Variants in ANAPC2 observed in about 807,000 individuals in gnomAD.
ANAPC2 encodes anaphase-promoting complex subunit 2.
In ANAPC2, 29 loss-of-function variants were observed where a neutral mutation model predicts 84.3. That is an observed-to-expected ratio of 0.34 (90% CI 0.26 to 0.47). ANAPC2 has a LOEUF of 0.47. Among genes scored for constraint, ANAPC2 ranks in the 20% least tolerant of loss-of-function variants. ANAPC2 has a pLI of 1.00. For synonymous variants in ANAPC2, 571 were observed against 479.4 expected (o/e 1.19, Z -2.50); for missense variants, 857 against 1,131.7 (o/e 0.76, Z 3.48).
intron 3 of ANAPC2, among the ~76,000 whole-genome samples, chr9:137,185,717 G>C (rs1045288275): frequency 2.6e-5 from 4 of 152,186 alleles, no homozygotes; most frequent in Admixed American, 2.0e-4. Context: ...CACATGGCTG[G>C]GCCCAGCTCC....
At chr9:137,185,207 G>A (rs1834436832) in intron 3 of ANAPC2, 120 bp from the exon 4 acceptor site, 1 of 1,073,300 alleles carries the variant, frequency 9.3e-7, no homozygotes, top group Non-Finnish European at 1.3e-6. Flanking sequence ...GGAGCCCGAA[G>A]GCCACCTGCG....
At chr9:137,180,749 C>G in intron 8 of ANAPC2, 39 bp downstream of exon 8, 1 of 1,597,388 alleles carries the variant, frequency 6.3e-7, no homozygotes, top group Non-Finnish European at 8.5e-7. Context: ...GCAAAGGCCC[C>G]GGCACCCCTG....
At chr9:137,185,595 G>T (rs1228973540) in intron 3 of ANAPC2, among the ~76,000 whole-genome samples, 1 of 152,212 alleles carries the variant, frequency 6.6e-6, no homozygotes, top group African/African-American at 2.4e-5. Flanking sequence ...CCGCTTTGGG[G>T]ACACCCTCCC....
At chr9:137,183,487 G>A (rs1834385882) in intron 5 of ANAPC2, 185 bp downstream of exon 5, 2 of 973,770 alleles carry the variant, frequency 2.1e-6, no homozygotes, top group Non-Finnish European at 2.9e-6. Context: ...TCCCTCCAAA[G>A]AAGAAACAAG....
chr9:137,183,183 G>A lies in ANAPC2; in HGVS notation c.1228C>T (p.Leu410=). The stretch of plus-strand genomic sequence containing the variant: ...TCCAGGATGACCATGGAAGGGTCCA[G>A]CACGCGCAGCGCCTTGATGGCAGAG... ...YISAIKALRV[L]DPSMVILEVA... Residue 410 remains leucine, a synonymous_variant, in exon 6 of 13, where the codon CTG becomes TTG. Transcript: ENST00000323927. The A allele has an allele frequency of 6.2e-7, 1 of 1,613,300 alleles. No individual in the cohort carries two copies.
At chr9:137,183,935 C>A in intron 4 of ANAPC2, 144 bp from the exon 5 acceptor site, 1 of 1,102,350 alleles carries the variant, frequency 9.1e-7, no homozygotes, top group East Asian at 2.6e-5. Flanking sequence ...CACCAGACAT[C>A]CCCCCGACAC....
At chr9:137,176,139 G>GTGTGGAAATGTGGCCATATT in intron 10 of ANAPC2, 3 of 286,062 alleles carry the variant, frequency 1.0e-5, no homozygotes, top group African/African-American at 4.5e-5. Flanking sequence ...TGTAACTGAG[G>GTGTGGAAATGTGGCCATATT]TGCATCCTAA....
chr9:137,180,649 T>TAGC, intron 8 of ANAPC2, 122 bp from the exon 9 acceptor site: 1 of 1,568,592 alleles, frequency 6.4e-7, no homozygotes, highest in Non-Finnish European at 8.7e-7. Flanking sequence ...CCCCAATGGC[T>TAGC]AGCACACCCC....
At chr9:137,184,814 G>A (rs1834425853) in intron 4 of ANAPC2, 99 bp downstream of exon 4, 2 of 1,452,514 alleles carry the variant, frequency 1.4e-6, no homozygotes, top group East Asian at 2.4e-5. Context: ...CACGGTGAAG[G>A]CACAGGGAGC....
intron 10 of ANAPC2, chr9:137,176,651 C>T (rs1454203424): frequency 6.6e-6 from 1 of 152,294 alleles, no homozygotes. Flanking sequence ...ATGCACACAG[C>T]ATCACAGACT....
intron 10 of ANAPC2, 44 bp from the exon 11 acceptor site, chr9:137,175,881 G>C: frequency 1.3e-6 from 2 of 1,551,014 alleles, no homozygotes; most frequent in East Asian, 2.4e-5. Context: ...GCTGCAGGGC[G>C]CTCAGGCCCG....
intron 10 of ANAPC2, chr9:137,176,232 C>G (rs1834208738): frequency 6.3e-6 from 1 of 158,500 alleles, no homozygotes. Context: ...AAGACAGAGA[C>G]CACCTGGAGC....
chr9:137,186,628 A>G (rs897441564), intron 2 of ANAPC2: 1 of 475,660 alleles, frequency 2.1e-6, no homozygotes, highest in African/African-American at 1.9e-5. Flanking sequence ...TCCCCATGTG[A>G]TCAGTGGCAG....
intron 11 of ANAPC2, 42 bp from the exon 12 acceptor site, chr9:137,175,514 G>A (rs1333270620): frequency 2.0e-6 from 3 of 1,512,810 alleles, no homozygotes; most frequent in Admixed American, 2.0e-5. Context: ...CCTGGGCACG[G>A]GCTGCACCTC....
Position 137,187,887 on chromosome 9 carries a change from G to C in ANAPC2, c.334C>G (p.Leu112Val). The change falls in exon 2 of 13, where the codon CTT becomes GTT. Residue 112 changes from leucine (L) to valine (V), a missense_variant. Around this residue, in one of 3 missense-constraint regions of ANAPC2, gnomAD observed 428 missense variants for 513.8 expected, o/e 0.83. Coordinates refer to ENST00000323927, the MANE Select transcript of ANAPC2 (RefSeq NM_013366.4). ...CTCTCCAGCAGGCCAAAAGCGTCAA[G>C]GAGTAGCAAAAGGCACTGGGGCTCA... ...ADEPQCLLLL[L>V]DAFGLLESRL... is the part of the protein sequence containing the mutation. The C allele has an allele frequency of 1.2e-6, 2 of 1,613,758 alleles. No homozygotes were observed. The highest frequency in any genetic ancestry group is 1.1e-5 in the South Asian group (1 of 91,086).
rs769776763 is a variant in ANAPC2, at chr9:137,188,433, G to A, written c.100C>T (p.Pro34Ser). The A allele has an allele frequency of 6.8e-6, 11 of 1,608,816 alleles. No individual in the cohort carries two copies. The South Asian group carries it at 1.1e-4, about 16-fold the overall frequency. ...GGCCTCACCAGCCCCAGCGCAGCCG[G>A]CGGCACCAGGCCGGTGCTCACGGTG... ...WNTVSTGLVP[P>S]AALGLVSSRT... The change falls in exon 1 of 13, where the codon CCG (proline) becomes TCG (serine). Residue 34 changes from proline to serine, a missense_variant. This residue lies in a region of ANAPC2 where 428 missense variants were observed against 513.8 expected (regional missense o/e 0.83). Coordinates refer to ENST00000323927, the MANE Select transcript of ANAPC2 (RefSeq NM_013366.4).
chr9:137,185,326 T>G lies in ANAPC2; in HGVS notation c.874-239A>C, dbSNP rs1344497203. Reference sequence around the variant, plus strand: ...CTCTCACACGCGCCAGTGCCCACACTTATCACTGGCAGCAGCAACCCTAGC... The same window carrying G: ...CTCTCACACGCGCCAGTGCCCACACGTATCACTGGCAGCAGCAACCCTAGC... On this transcript the variant is annotated intron_variant, in intron 3 of 12. Coordinates refer to ENST00000323927, the MANE Select transcript of ANAPC2 (RefSeq NM_013366.4). Among the ~76,000 whole-genome samples, 3 of 152,184 alleles carry G rather than the reference T, an allele frequency of 2.0e-5. No homozygotes were observed. In the East Asian group the frequency reaches 5.8e-4, roughly 29 times the overall value.
intron 10 of ANAPC2, among the ~76,000 whole-genome samples, chr9:137,179,311 G>A (rs1200204566): frequency 6.6e-6 from 1 of 152,122 alleles, no homozygotes; most frequent in East Asian, 1.9e-4. Flanking sequence ...AGAAAGCCCT[G>A]GAACCCGCCT....
Position 137,187,239 on chromosome 9 carries a change from A to T in ANAPC2, c.740+242T>A, listed in dbSNP as rs997689730. 1.7e-5 allele frequency: 9 copies of T among 534,942 alleles called. No homozygotes were observed. In the South Asian group the frequency reaches 2.7e-4, roughly 16 times the overall value. The allele number at this position is 534,942 out of a possible 1,614,324, so 33.1% of individuals were successfully genotyped here. A position where few individuals can be genotyped will look rare whatever the true frequency, so the allele number is the denominator to read the frequency against. ...GAGTTGCTAAGAAATTTGCTGCTGC[A>T]GACACAAGCCACATAGGGCCTTACC... On this transcript the variant is annotated intron_variant, in intron 2 of 12. Coordinates refer to ENST00000323927, the MANE Select transcript of ANAPC2 (RefSeq NM_013366.4).
Sources: allele counts gnomAD v4.1 joint callset (sites outside exome capture counted in the v4.1 genomes callset), GRCh38; gene constraint gnomAD v4.1.1; regional missense constraint gnomAD v4.1.1; transcripts MANE v1.5; gene names NCBI Gene and HGNC (gene_info 2026-07-23, HGNC 2026-07-21).